The following TBC1D2 variants were observed in gnomAD, a reference collection of about 807,000 sequenced individuals.
The protein encoded by TBC1D2 is TBC1 domain family member 2, also known as TBC1 domain family member 2A.
In TBC1D2, 58 loss-of-function variants were observed where a neutral mutation model predicts 91.1. The ratio of observed to expected loss-of-function variants is 0.64; its 90% CI spans 0.52 to 0.79. The LOEUF is 0.79. TBC1D2 is among the 30% of genes least tolerant of loss of function. TBC1D2 has a pLI of 0.00. For synonymous variants in TBC1D2, 482 were observed against 511.5 expected (o/e 0.94, Z 0.78); for missense variants, 1,080 against 1,208.3 (o/e 0.89, Z 1.57).
At chr9:98,238,053 G>A (rs532378700) in intron 3 of TBC1D2, among the ~76,000 whole-genome samples, 16,613 of 134,950 alleles carry the variant, frequency 0.12, 2,939 homozygotes, top group African/African-American at 0.43. Context: ...ACAGGAATGT[G>A]CTACCATGCC....
chr9:98,241,383 C>G (rs1056175377), intron 3 of TBC1D2, among the ~76,000 whole-genome samples: 9 of 152,122 alleles, frequency 5.9e-5, no homozygotes, highest in African/African-American at 1.9e-4. Flanking sequence ...GAGTATGACC[C>G]GGGTTCATGG....
chr9:98,213,339 C>T, intron 6 of TBC1D2, 121 bp from the exon 7 acceptor site: 1 of 1,510,180 alleles, frequency 6.6e-7, no homozygotes, highest in East Asian at 2.4e-5. Context: ...ATAATGGCAA[C>T]AGAAGAGGAA....
Position 98,208,871 on chromosome 9 carries a change from T to C in TBC1D2, c.1947A>G (p.Pro649=), listed in dbSNP as rs773432573. 1.2e-6 allele frequency: 2 copies of C among 1,613,890 alleles called. No homozygotes were observed. The highest frequency in any genetic ancestry group is 1.3e-5 in the African/African-American group (1 of 74,896). Residue 649 remains proline, a synonymous_variant, in exon 9 of 13, where the codon CCA becomes CCG. Coordinates refer to ENST00000465784, the MANE Select transcript of TBC1D2 (RefSeq NM_001267571.2). ...VHLRVQHLHT[P]GCYQELLSRG... The stretch of plus-strand genomic sequence containing the variant: ...GGCTCAGCAGTTCCTGGTAGCAGCC[T>C]GGAGTGTGCAGGTGCTGGACACGGA...
chr9:98,209,570 G>A (rs1047706647), intron 8 of TBC1D2, among the ~76,000 whole-genome samples: 1 of 152,190 alleles, frequency 6.6e-6, no homozygotes, highest in Admixed American at 6.5e-5. Context: ...CAGCACCAAT[G>A]ACAGACAGGT....
Position 98,200,392 on chromosome 9 carries a change from G to A in TBC1D2, c.2458-18C>T, listed in dbSNP as rs1828458507. On this transcript the variant is annotated intron_variant, in intron 11 of 12. Coordinates refer to ENST00000465784, the MANE Select transcript of TBC1D2 (RefSeq NM_001267571.2). ...AACACCACCTGGGGGTAGAGTGGGG[G>A]CTCAGGTAGGGCATGGGGGGGCCAG... 7 of 1,572,432 alleles carry A rather than the reference G, an allele frequency of 4.5e-6. No individual in the cohort carries two copies. In the East Asian group the frequency reaches 7.0e-5, roughly 16 times the overall value.
At chr9:98,223,044 G>T (rs1329045820) in intron 5 of TBC1D2, among the ~76,000 whole-genome samples, 1 of 152,210 alleles carries the variant, frequency 6.6e-6, no homozygotes, top group Non-Finnish European at 1.5e-5. Context: ...CCCAGAGAGG[G>T]AGTGGTGAGA....
chr9:98,218,630 C>T lies in TBC1D2; in HGVS notation c.1374+2203G>A, dbSNP rs183651053. 7.2e-5 allele frequency among the ~76,000 whole-genome samples: 11 copies of T among 152,322 alleles called. No homozygotes were observed. In the East Asian group the frequency reaches 2.1e-3, roughly 29 times the overall value. ...GTAAATTCAGGGGCACACTCAGTCT[C>T]CTAGTGAGTCCATGATTACAATCAA... On this transcript the variant is annotated intron_variant, in intron 6 of 12. Coordinates refer to ENST00000465784, the MANE Select transcript of TBC1D2 (RefSeq NM_001267571.2).
At position 98,199,402 on chromosome 9, in the gene TBC1D2, G is replaced by A. The variant is rs372038999; in HGVS notation, c.2766C>T (p.Asp922=). 77 of 1,613,378 alleles carry A rather than the reference G, an allele frequency of 4.8e-5. 2 individuals are homozygous for A. The Admixed American group carries it at 8.3e-4, about 17-fold the overall frequency. Residue 922 remains aspartate, a synonymous_variant, in exon 13 of 13, where the codon GAC becomes GAT. Transcript: ENST00000465784. ...CAAGTCAGGCTTCCCCCTCCACCTC[G>A]TCCTCGCTGGCACAGCCCTCGGACA... ...RAVSEGCASE[D]EVEGEA
In TBC1D2 at chr9:98,237,889, CT is replaced by C. The variant is rs535564380; in HGVS notation, c.648-4341del. ...GATTAATAGGTTAACAATATTAAGT[CT>C]TTTTTTTTTCTTTTTTTTCTTTTTT... On this transcript the variant is annotated intron_variant, in intron 3 of 12. Transcript: ENST00000465784. 2.0e-3 allele frequency among the ~76,000 whole-genome samples: 278 copies of C among 142,204 alleles called. 3 individuals carry two copies. The highest frequency in any genetic ancestry group is 0.015 in the Admixed American group (212 of 14,048). The allele number at this position is 142,204 out of a possible 152,430, so 93.3% of individuals were successfully genotyped here.
chr9:98,233,366 C>T (rs1318061080), intron 4 of TBC1D2, 50 bp downstream of exon 4: 1 of 1,570,376 alleles, frequency 6.4e-7, no homozygotes, highest in Non-Finnish European at 8.6e-7. Flanking sequence ...CTTGTGCCAG[C>T]CGTGAGGAGC....
At chr9:98,214,234 G>A (rs184747262) in intron 6 of TBC1D2, among the ~76,000 whole-genome samples, 74 of 146,796 alleles carry the variant, frequency 5.0e-4, no homozygotes, top group African/African-American at 1.8e-3. Flanking sequence ...ATGTGCAAGC[G>A]ATGCTGCAGC....
intron 3 of TBC1D2, among the ~76,000 whole-genome samples, chr9:98,238,055 T>C (rs191375499): frequency 0.12 from 16,048 of 134,138 alleles, 2,801 homozygotes; most frequent in African/African-American, 0.43. Context: ...AGGAATGTGC[T>C]ACCATGCCCA....
intron 9 of TBC1D2, 93 bp from the exon 10 acceptor site, chr9:98,203,501 A>G: frequency 6.5e-7 from 1 of 1,546,318 alleles, no homozygotes; most frequent in Non-Finnish European, 8.7e-7. Context: ...TCCAGGGGGA[A>G]AGTCCTTCCA....
intron 1 of TBC1D2, among the ~76,000 whole-genome samples, chr9:98,254,449 T>G (rs944156792): frequency 1.3e-5 from 2 of 152,186 alleles, no homozygotes; most frequent in African/African-American, 4.8e-5. Flanking sequence ...ACAAACCACC[T>G]AGGTTCTGAG....
intron 3 of TBC1D2, among the ~76,000 whole-genome samples, chr9:98,240,431 A>C (rs1322328948): frequency 6.6e-6 from 1 of 152,162 alleles, no homozygotes; most frequent in Non-Finnish European, 1.5e-5. Flanking sequence ...CCCATCTGAA[A>C]ATACAAGAAT....
chr9:98,209,776 C>CTTCCTTCCTTCCTTCCTTCCT (rs1190569575), intron 8 of TBC1D2, among the ~76,000 whole-genome samples: 2 of 139,528 alleles, frequency 1.4e-5, no homozygotes, highest in African/African-American at 5.4e-5. Context: ...TCCTTCCTTC[C>CTTCCTTCCTTCCTTCCTTCCT]TTCCTTCCTT....
At chr9:98,207,417 G>C (rs1438718525) in intron 9 of TBC1D2, among the ~76,000 whole-genome samples, 2 of 152,206 alleles carry the variant, frequency 1.3e-5, no homozygotes, top group Non-Finnish European at 2.9e-5. Flanking sequence ...TACTGAAATA[G>C]CTGGGGCTGG....
At chr9:98,221,604 G>A (rs530698135) in intron 5 of TBC1D2, among the ~76,000 whole-genome samples, 11 of 152,290 alleles carry the variant, frequency 7.2e-5, no homozygotes, top group South Asian at 4.2e-4. Flanking sequence ...TAGAGTGGCC[G>A]CCTCAGACCC....
chr9:98,209,282 C>T (rs1828749983), intron 8 of TBC1D2, 138 bp from the exon 9 acceptor site: 2 of 779,920 alleles, frequency 2.6e-6, no homozygotes, highest in Non-Finnish European at 4.3e-6. Context: ...GGGCAGGTCA[C>T]TTCAGTTCTC....
Sources: gnomAD v4.1 joint callset for allele counts (sites outside exome capture counted in the v4.1 genomes callset) on GRCh38, gnomAD v4.1.1 for gene constraint, MANE v1.5 for transcripts, NCBI Gene and HGNC (gene_info 2026-07-23, HGNC 2026-07-21) for gene names.